The following TSPEAR variants were observed in gnomAD, a reference collection of about 807,000 sequenced individuals.
The protein encoded by TSPEAR is thrombospondin type laminin G domain and EAR repeats.
A neutral mutation model predicts 71.6 loss-of-function variants in TSPEAR; 69 were observed. That is an observed-to-expected ratio of 0.96 (90% confidence interval 0.79 to 1.18). The LOEUF (loss-of-function observed/expected upper bound fraction) is 1.18. Ranked by LOEUF, TSPEAR falls within the 50% of genes most tolerant of loss-of-function variation. The pLI is 0.00. For missense variants in TSPEAR, 971 were observed against 894.9 expected, an observed-to-expected ratio of 1.09 and a Z score of -1.09; for synonymous variants, 402 against 387.2, an observed-to-expected ratio of 1.04 and a Z score of -0.45.
intron 1 of TSPEAR, among the ~76,000 whole-genome samples, chr21:44,609,433 G>A (rs1289607139): frequency 6.6e-6 from 1 of 152,144 alleles, no homozygotes; most frequent in Non-Finnish European, 1.5e-5. Flanking sequence ...TATAAATCCA[G>A]AAAGAAAAAG....
At chr21:44,518,448 C>T (rs1010811944) in intron 9 of TSPEAR, 12 of 385,212 alleles carry the variant, frequency 3.1e-5, no homozygotes, top group African/African-American at 2.3e-4. Flanking sequence ...GTTGGTAGAT[C>T]TAGGATGATA....
intron 1 of TSPEAR, among the ~76,000 whole-genome samples, chr21:44,645,127 A>G (rs1984240657): frequency 6.6e-6 from 1 of 152,218 alleles, no homozygotes; most frequent in Admixed American, 6.5e-5. Flanking sequence ...ACAAGCAAGG[A>G]ATCTTAAAAT....
At chr21:44,517,930 A>G (rs2052631418) in intron 9 of TSPEAR, 6 of 463,088 alleles carry the variant, frequency 1.3e-5, no homozygotes, top group African/African-American at 1.0e-4. Context: ...TGACAATTCC[A>G]TCACTGTCCT....
chr21:44,645,759 AGTCC>A (rs1984293756), intron 1 of TSPEAR, among the ~76,000 whole-genome samples: 1 of 152,170 alleles, frequency 6.6e-6, no homozygotes, highest in African/African-American at 2.4e-5. Flanking sequence ...ATATCTAATC[AGTCC>A]AGAAACAGGA....
intron 2 of TSPEAR, among the ~76,000 whole-genome samples, chr21:44,566,265 G>GA (rs1200590712): frequency 1.3e-5 from 2 of 151,724 alleles, no homozygotes; most frequent in African/African-American, 2.4e-5. Flanking sequence ...CATCAAAAAG[G>GA]AAAAAATACT....
intron 9 of TSPEAR, chr21:44,516,672 C>T (rs2052582393): frequency 6.6e-6 from 1 of 152,252 alleles, no homozygotes; most frequent in African/African-American, 2.4e-5. Flanking sequence ...CGGGCTATGG[C>T]ACCACCCACC....
intron 10 of TSPEAR, among the ~76,000 whole-genome samples, chr21:44,505,179 A>G (rs2052164486): frequency 6.6e-6 from 1 of 152,102 alleles, no homozygotes. Context: ...CTCGGATTCA[A>G]GCGATTCTCC....
At position 44,533,813 on chromosome 21, in the gene TSPEAR, G is replaced by A. The variant is rs781792266; in HGVS notation, c.414C>T (p.Ala138=). The change falls in exon 3 of 12, where the codon GCC becomes GCT. Residue 138 remains alanine, a synonymous_variant. Coordinates refer to ENST00000323084, the MANE Select transcript of TSPEAR (RefSeq NM_144991.3). ...AGGACACTCGGGTCTGCCAGGCGCC[G>A]GCCGTGTCCTCGCGAAGGAACAGGA... is the stretch of plus-strand genomic sequence containing the variant. ...LHFLFLREDT[A]GAWQTRVSFR... 2.9e-5 allele frequency: 47 copies of A among 1,612,406 alleles called. No homozygotes were observed. The highest frequency in any genetic ancestry group is 5.0e-5 in the Admixed American group (3 of 59,996).
At chr21:44,626,084 A>G (rs1315410147) in intron 1 of TSPEAR, among the ~76,000 whole-genome samples, 1 of 152,232 alleles carries the variant, frequency 6.6e-6, no homozygotes, top group Non-Finnish European at 1.5e-5. Flanking sequence ...GCTTTGCCAG[A>G]TTCACAGCAA....
At chr21:44,679,354 C>T (rs1272631199) in intron 1 of TSPEAR, among the ~76,000 whole-genome samples, 1 of 152,030 alleles carries the variant, frequency 6.6e-6, no homozygotes, top group Non-Finnish European at 1.5e-5. Flanking sequence ...TGTGAAAGAC[C>T]TCTGCAAAGA....
At chr21:44,597,387 T>C (rs1555927733) in intron 1 of TSPEAR, among the ~76,000 whole-genome samples, 1 of 151,946 alleles carries the variant, frequency 6.6e-6, no homozygotes, top group Non-Finnish European at 1.5e-5. Flanking sequence ...TTCTTCCATC[T>C]TGTTACTTTC....
At chr21:44,705,791 T>C (rs1987882549) in intron 1 of TSPEAR, among the ~76,000 whole-genome samples, 1 of 152,204 alleles carries the variant, frequency 6.6e-6, no homozygotes, top group Admixed American at 6.5e-5. Flanking sequence ...GGAGCTGTGG[T>C]CCTGTGATCT....
intron 4 of TSPEAR, 53 bp downstream of exon 4, chr21:44,530,990 G>T: frequency 7.0e-7 from 1 of 1,430,368 alleles, no homozygotes; most frequent in Non-Finnish European, 9.8e-7. Context: ...ACTGGCCTGG[G>T]GCAGTCCCAT....
At chr21:44,689,712 A>ATATATATACATATATATATATATATAT (rs1555949491) in intron 1 of TSPEAR, among the ~76,000 whole-genome samples, 1 of 62,038 alleles carries the variant, frequency 1.6e-5, no homozygotes, top group Admixed American at 1.9e-4. Flanking sequence ...GAATAGAATG[A>ATATATATACATATATATATATATATAT]ATATATATAT....
At chr21:44,508,871 A>G (rs1196772761) in intron 10 of TSPEAR, 13 of 1,428,618 alleles carry the variant, frequency 9.1e-6, no homozygotes, top group Non-Finnish European at 1.2e-5. Flanking sequence ...GGCCTCGGCT[A>G]TCCCTCCGCA....
chr21:44,533,969 C>T (rs782681910), intron 2 of TSPEAR, 46 bp from the exon 3 acceptor site: 27 of 725,084 alleles, frequency 3.7e-5, no homozygotes, highest in Admixed American at 6.9e-5. Context: ...GGGTAGGGGT[C>T]GGGTGCGGGG....
At chr21:44,627,260 CCTGCTGCGCCACCAG>C (rs1327224553) in intron 1 of TSPEAR, 4 of 1,612,720 alleles carry the variant, frequency 2.5e-6, no homozygotes, top group East Asian at 2.2e-5. Flanking sequence ...TGTGAGCCCC[CCTGCTGCGCCACCAG>C]CTGCTGCGCC....
At chr21:44,658,802 G>GT in intron 1 of TSPEAR, among the ~76,000 whole-genome samples, 1 of 152,214 alleles carries the variant, frequency 6.6e-6, no homozygotes, top group Non-Finnish European at 1.5e-5. Flanking sequence ...TTACCCAGAT[G>GT]CCTGGGACCC....
At chr21:44,705,671 C>T (rs1317891085) in intron 1 of TSPEAR, among the ~76,000 whole-genome samples, 5 of 152,140 alleles carry the variant, frequency 3.3e-5, no homozygotes, top group Admixed American at 2.6e-4. Flanking sequence ...AGGAAATTCC[C>T]ACCTAATAAA....
Sources: allele counts gnomAD v4.1 joint callset (sites outside exome capture counted in the v4.1 genomes callset), GRCh38; gene constraint gnomAD v4.1.1; transcripts MANE v1.5; gene names NCBI Gene and HGNC (gene_info 2026-07-23, HGNC 2026-07-21).